SASH1: variants seen among roughly 807,000 people sequenced by gnomAD.
SASH1 encodes the protein SAM and SH3 domain containing 1.
SASH1 carries 44 observed loss-of-function variants against 125.2 expected under a neutral mutation model. The ratio of observed to expected loss-of-function variants is 0.35; its 90% CI spans 0.28 to 0.45. The LOEUF (loss-of-function observed/expected upper bound fraction) is 0.45. Ranked by LOEUF, SASH1 falls within the 20% of genes least tolerant of loss-of-function variation. The probability of loss-of-function intolerance (pLI) is 1.00; values close to 1 mark genes in which losing one functional copy is unlikely to be tolerated. For missense variants in SASH1, 1,426 were observed against 1,614.5 expected, an observed-to-expected ratio of 0.88 and a Z score of 2.00; for synonymous variants, 639 against 649.1, an observed-to-expected ratio of 0.98 and a Z score of 0.24.
the SASH1 span, among the ~76,000 whole-genome samples, chr6:148,230,741 T>C: frequency 6.6e-6 from 1 of 152,234 alleles, no homozygotes; most frequent in African/African-American, 2.4e-5. Context: ...TGGTTTTGAT[T>C]TGAATTTCCC....
chr6:148,448,132 GTGTGTGTA>G lies in SASH1; in HGVS notation c.386+7733_386+7740del, dbSNP rs1217297802. On this transcript the variant is annotated intron_variant, in intron 4 of 19. Coordinates refer to ENST00000367467, the MANE Select transcript of SASH1 (RefSeq NM_015278.5). ...GTGGAGAGAGTGTGTGTGTGTGTGT[GTGTGTGTA>G]TGTGTGTGTGTGCGTGCGTGCGTGC... 3.2e-3 allele frequency among the ~76,000 whole-genome samples: 480 copies of G among 150,490 alleles called. 3 individuals are homozygous for G. The highest frequency in any genetic ancestry group is 0.011 in the African/African-American group (423 of 40,162).
At chr6:148,282,216 A>G (rs1422108817) in intron 1 of SASH1, among the ~76,000 whole-genome samples, 1 of 152,122 alleles carries the variant, frequency 6.6e-6, no homozygotes, top group Non-Finnish European at 1.5e-5. Flanking sequence ...CCATTCCTGC[A>G]CACTGCAGGA....
intron 1 of SASH1, among the ~76,000 whole-genome samples, chr6:148,346,537 A>G (rs922898898): frequency 6.6e-6 from 1 of 151,824 alleles, no homozygotes; most frequent in African/African-American, 2.4e-5. Flanking sequence ...GGGCAGGGTC[A>G]GTGTCTTACT....
intron 7 of SASH1, among the ~76,000 whole-genome samples, chr6:148,485,060 T>C (rs1408032362): frequency 5.7e-5 from 8 of 139,938 alleles, no homozygotes. Flanking sequence ...GAGATGAGCA[T>C]ACAGCAGGAA....
chr6:148,304,057 C>T (rs1451287047), intron 1 of SASH1, among the ~76,000 whole-genome samples: 5 of 152,274 alleles, frequency 3.3e-5, no homozygotes, highest in Non-Finnish European at 5.9e-5. Flanking sequence ...GTAATCCCAA[C>T]ACTTTGAGAG....
chr6:148,444,633 G>T (rs186223978), intron 4 of SASH1, among the ~76,000 whole-genome samples: 95 of 152,278 alleles, frequency 6.2e-4, no homozygotes, highest in African/African-American at 2.1e-3. Context: ...AATAAAGAAG[G>T]CCAAGGGAGA....
chr6:148,278,926 T>C lies in SASH1; in HGVS notation n.74+6549T>C, dbSNP rs549430619. On this transcript the variant is annotated intron_variant and non_coding_transcript_variant, in intron 1 of 3. Coordinates refer to the SASH1 transcript ENST00000367469. ...AAATATAGAACACTAAAATGAAACC[T>C]AGACTCTCAGACTCTCAAAGGTCTA... 2.0e-5 allele frequency: 3 copies of C among 152,190 alleles called. No homozygotes were observed. In the East Asian group the frequency reaches 5.8e-4, roughly 29 times the overall value. 9.4% of individuals were successfully genotyped at this position (152,190 alleles called of 1,614,324 possible).
chr6:148,362,138 A>G (rs7769426), intron 1 of SASH1, among the ~76,000 whole-genome samples: 28,100 of 151,356 alleles, frequency 0.19, 2,777 homozygotes, highest in Middle Eastern at 0.25. Context: ...CGTGTTAGCC[A>G]GGATGGTCTC....
intron 8 of SASH1, chr6:148,513,801 T>C: frequency 1.0e-6 from 1 of 986,172 alleles, no homozygotes; most frequent in Non-Finnish European, 1.2e-6. Flanking sequence ...TCTTAGCCAA[T>C]GGGATGGAAG....
rs573943833 is a variant in SASH1, at chr6:148,526,939, C to T, written c.1285-514C>T. Among the ~76,000 whole-genome samples the T allele has an allele frequency of 3.7e-3, 556 of 150,096 alleles. 8 individuals carry two copies. Among genetic ancestry groups the T allele is most frequent in the African/African-American group, 0.013 (532 of 40,718 alleles). On this transcript the variant is annotated intron_variant, in intron 11 of 19. Coordinates refer to ENST00000367467, the MANE Select transcript of SASH1 (RefSeq NM_015278.5). ...CCAGGCTGGAGTGCAGTGACGCGATCTCAGCTCACTGCAAGCTCCACCTCC... is the reference window on the plus strand; with the variant it reads ...CCAGGCTGGAGTGCAGTGACGCGATTTCAGCTCACTGCAAGCTCCACCTCC...
rs1782467175 is a variant in SASH1, at chr6:148,544,915, G to C, written c.3348+97G>C. On this transcript the variant is annotated intron_variant, in intron 18 of 19. Transcript: ENST00000367467. This position sits in a 1 kb window ranked among gnomAD's most constrained non-coding sequence, Gnocchi z 6.4. ...ACCCACATCTGAAGCCAGCCCGGTA[G>C]CCCGCCCAGTGGACAGGAGACACCT... The C allele has an allele frequency of 8.0e-7, 1 of 1,253,442 alleles. No individual in the cohort carries two copies. Among genetic ancestry groups the C allele is most frequent in the Admixed American group, 2.7e-5 (1 of 37,668 alleles). The allele number at this position is 1,253,442 out of a possible 1,614,324, so 77.6% of individuals were successfully genotyped here. A position where few individuals can be genotyped will look rare whatever the true frequency, so the allele number is the denominator to read the frequency against.
chr6:148,212,581 A>G, the SASH1 span, among the ~76,000 whole-genome samples: 4 of 152,232 alleles, frequency 2.6e-5, no homozygotes, highest in African/African-American at 9.6e-5. Flanking sequence ...ATTTTGCTAC[A>G]GAAATACGTG....
chr6:148,359,537 C>T (rs574567130), intron 1 of SASH1, among the ~76,000 whole-genome samples: 17 of 152,154 alleles, frequency 1.1e-4, no homozygotes, highest in Non-Finnish European at 2.1e-4. Flanking sequence ...CTGGAAACTA[C>T]TCCTGGTGAA....
intron 1 of SASH1, among the ~76,000 whole-genome samples, chr6:148,326,381 T>TATATATATACA (rs1562326352): frequency 1.4e-5 from 1 of 72,008 alleles, no homozygotes; most frequent in Non-Finnish European, 2.7e-5. Context: ...TATACATTCT[T>TATATATATACA]TTCTTTTCTT....
At chr6:148,248,056 A>G in the SASH1 span, among the ~76,000 whole-genome samples, 1 of 152,208 alleles carries the variant, frequency 6.6e-6, no homozygotes, top group African/African-American at 2.4e-5. Flanking sequence ...CCTTATTTCA[A>G]GTTCTTGGAA....
At chr6:148,471,290 C>A in intron 5 of SASH1, 127 bp from the exon 6 acceptor site, 1 of 636,768 alleles carries the variant, frequency 1.6e-6, no homozygotes, top group Non-Finnish European at 2.7e-6. Flanking sequence ...AAAAAACTGT[C>A]CTTTTGTGAA....
At chr6:148,417,446 G>A (rs779018609) in intron 2 of SASH1, among the ~76,000 whole-genome samples, 3 of 152,164 alleles carry the variant, frequency 2.0e-5, no homozygotes, top group Non-Finnish European at 2.9e-5. Context: ...ATAGCTGGGT[G>A]TGGTGGCATG....
chr6:148,359,751 A>T (rs1782115617), intron 1 of SASH1, among the ~76,000 whole-genome samples: 1 of 151,918 alleles, frequency 6.6e-6, no homozygotes, highest in Non-Finnish European at 1.5e-5. Context: ...AGATTTCTTT[A>T]TTGTCTTTTA....
At chr6:148,323,945 C>T (rs187500155) in intron 1 of SASH1, among the ~76,000 whole-genome samples, 12 of 151,690 alleles carry the variant, frequency 7.9e-5, no homozygotes, top group South Asian at 2.1e-4. Context: ...GCCAACATGA[C>T]GAAACTCTGT....
Sources: gnomAD v4.1 joint callset for allele counts (sites outside exome capture counted in the v4.1 genomes callset) on GRCh38, gnomAD v4.1.1 for gene constraint, Gnocchi (gnomAD v3.1) non-coding constraint, MANE v1.5 for transcripts, NCBI Gene and HGNC (gene_info 2026-07-23, HGNC 2026-07-21) for gene names.